Variants in PCDHGA3 observed in about 807,000 individuals in gnomAD.
PCDHGA3 encodes protocadherin gamma subfamily A, 3.
Under a neutral mutation model 58.5 loss-of-function variants are expected in PCDHGA3, and 40 were observed. That is an observed-to-expected ratio of 0.68 (90% CI 0.53 to 0.89). PCDHGA3 has a LOEUF of 0.89. PCDHGA3 is among the 40% of genes least tolerant of loss of function. The pLI is 0.00. For synonymous variants in PCDHGA3, 530 were observed against 525.7 expected (o/e 1.01, Z -0.11); for missense variants, 1,223 against 1,195.9 (o/e 1.02, Z -0.33).
chr5:141,413,081 C>A, intron 1 of PCDHGA3: 2 of 1,339,424 alleles, frequency 1.5e-6, no homozygotes, highest in Non-Finnish European at 2.0e-6. Context: ...GCCCAGGCTA[C>A]AGAGACACCC....
chr5:141,404,934 C>G, intron 1 of PCDHGA3: 1 of 1,613,986 alleles, frequency 6.2e-7, no homozygotes. Context: ...GTCACGCTCA[C>G]AGTAGCCATA....
rs575694126 is a variant in PCDHGA3 at position 141,399,993 on chromosome 5, G to A, written c.2424+53536G>A. 3.1e-5 allele frequency: 50 copies of A among 1,612,336 alleles called. 1 individual carries two copies. Among genetic ancestry groups the A allele is most frequent in the Middle Eastern group, 1.8e-4 (1 of 5,462 alleles). On this transcript the variant is annotated intron_variant, in intron 1 of 3. Transcript: ENST00000253812. ...GCCTGGGGCTGCGCACAGGAGAGGT[G>A]CGCACAGCGCGTGCCTTGGGCGACA...
chr5:141,397,379 T>C (rs1470838357), intron 1 of PCDHGA3, among the ~76,000 whole-genome samples: 1 of 152,206 alleles, frequency 6.6e-6, no homozygotes, highest in East Asian at 1.9e-4. Context: ...TGGGGATTGG[T>C]ATAAAATTGC....
At chr5:141,363,502 A>G (rs368681590) in intron 1 of PCDHGA3, among the ~76,000 whole-genome samples, 2 of 152,230 alleles carry the variant, frequency 1.3e-5, no homozygotes, top group East Asian at 3.9e-4. Flanking sequence ...ATAAAACCCC[A>G]TCCTCCACAG....
chr5:141,499,029 A>AAGGAAGGAAGGAAGGAAGG (rs1562187768), intron 2 of PCDHGA3, among the ~76,000 whole-genome samples: 3 of 140,076 alleles, frequency 2.1e-5, no homozygotes, highest in African/African-American at 8.3e-5. Flanking sequence ...AGGAAGGAAG[A>AAGGAAGGAAGGAAGGAAGG]AAAGAAAGAA....
At chr5:141,454,824 T>C (rs1231148585) in intron 1 of PCDHGA3, among the ~76,000 whole-genome samples, 1 of 127,218 alleles carries the variant, frequency 7.9e-6, no homozygotes, top group African/African-American at 3.3e-5. Flanking sequence ...TTTTTTTTTT[T>C]TGAGACAGAG....
At chr5:141,415,259 T>A (rs778452630) in intron 1 of PCDHGA3, 5 of 1,614,226 alleles carry the variant, frequency 3.1e-6, no homozygotes, top group Admixed American at 1.7e-5. Flanking sequence ...GACCTCACTC[T>A]GTACCTGGTG....
intron 1 of PCDHGA3, chr5:141,374,616 T>G: frequency 6.2e-7 from 1 of 1,613,518 alleles, no homozygotes; most frequent in South Asian, 1.1e-5. Flanking sequence ...AATAGTCACT[T>G]CTCAGTGGAC....
chr5:141,411,806 C>G (rs1276116820), intron 1 of PCDHGA3: 1 of 151,860 alleles, frequency 6.6e-6, no homozygotes, highest in Non-Finnish European at 1.5e-5. Flanking sequence ...CGCTTGAGCC[C>G]AGGAAGTCTA....
intron 1 of PCDHGA3, chr5:141,351,708 T>G: frequency 6.2e-7 from 1 of 1,613,718 alleles, no homozygotes; most frequent in Non-Finnish European, 8.5e-7. Flanking sequence ...AACGGCAGAG[T>G]CTCCTACTCT....
At position 141,485,348 on chromosome 5, in the gene PCDHGA3, C is replaced by A; in HGVS notation, c.2425-9459C>A. ...AGATTTCCTGCTGGATACGGACAGT[C>A]TGTCAGCTCGCAGGCTGCAGGTCGC... On this transcript the variant is annotated intron_variant, in intron 1 of 3. Coordinates refer to ENST00000253812, the MANE Select transcript of PCDHGA3 (RefSeq NM_018916.4). This position sits in a 1 kb window ranked among gnomAD's most constrained non-coding sequence, Gnocchi z 5.7. 6.2e-7 allele frequency: 1 copy of A among 1,614,146 alleles called. No individual in the cohort carries two copies. Among genetic ancestry groups the A allele is most frequent in the Non-Finnish European group, 8.5e-7 (1 of 1,180,008 alleles).
At chr5:141,469,833 TTA>T (rs1343669772) in intron 1 of PCDHGA3, among the ~76,000 whole-genome samples, 2 of 152,054 alleles carry the variant, frequency 1.3e-5, no homozygotes, top group Non-Finnish European at 2.9e-5. Flanking sequence ...CACATAAAAC[TTA>T]TTCTTAAGAT....
chr5:141,422,275 A>G (rs367711513), intron 1 of PCDHGA3: 6 of 1,560,374 alleles, frequency 3.8e-6, no homozygotes, highest in East Asian at 2.2e-5. Flanking sequence ...AGAAATAACT[A>G]TCACCTCTTC....
chr5:141,494,639 C>T, intron 1 of PCDHGA3, 168 bp from the exon 2 acceptor site: 1 of 901,070 alleles, frequency 1.1e-6, no homozygotes, highest in Non-Finnish European at 1.3e-6. Flanking sequence ...ACCTCTGAGA[C>T]CTGAGGTGTA....
In PCDHGA3 at chr5:141,476,238, G is replaced by A; in HGVS notation, c.2425-18569G>A. The A allele has an allele frequency of 1.2e-6, 2 of 1,614,098 alleles. No individual in the cohort carries two copies. ...ATTCACTATGAGATCCCGGAGGAAAGAGAGAAGGGTTTCGCTGTGGGCAAC... is the reference window on the plus strand; with the variant it reads ...ATTCACTATGAGATCCCGGAGGAAAAAGAGAAGGGTTTCGCTGTGGGCAAC... On this transcript the variant is annotated intron_variant, in intron 1 of 3. Coordinates refer to ENST00000253812, the MANE Select transcript of PCDHGA3 (RefSeq NM_018916.4). The surrounding 1 kb of genome is among the most constrained non-coding windows in gnomAD (Gnocchi z 7.6).
intron 1 of PCDHGA3, chr5:141,379,119 T>G (rs1179184154): frequency 6.6e-6 from 1 of 152,346 alleles, no homozygotes; most frequent in Admixed American, 6.5e-5. Flanking sequence ...AGAAGATACC[T>G]TGAAAATAAA....
At chr5:141,399,808 C>A in intron 1 of PCDHGA3, 1 of 1,613,208 alleles carries the variant, frequency 6.2e-7, no homozygotes, top group Non-Finnish European at 8.5e-7. Flanking sequence ...GGTGCTGTAC[C>A]CCGCGCTGGG....
Position 141,344,371 on chromosome 5 carries a change from A to G in PCDHGA3, c.338A>G (p.Lys113Arg). The G allele has an allele frequency of 6.2e-7, 1 of 1,613,406 alleles. No homozygotes were observed. ...LVKINILVED[K>R]LKIFEVEIEI... ...AAAATTAACATTCTGGTTGAGGATA[A>G]ATTGAAAATTTTTGAAGTAGAAATA... The change falls in exon 1 of 4, where the codon AAA becomes AGA. Residue 113 changes from lysine (K) to arginine (R), a missense_variant. This residue lies in a region of PCDHGA3 where 791 missense variants were observed against 708.5 expected (regional missense o/e 1.12). Transcript: ENST00000253812.
chr5:141,447,181 G>T (rs442221), intron 1 of PCDHGA3, among the ~76,000 whole-genome samples: 1 of 152,338 alleles, frequency 6.6e-6, no homozygotes, highest in Admixed American at 6.5e-5. Context: ...CTCTTGTCGC[G>T]CAGGCTGGAG....
Sources: gnomAD v4.1 joint callset for allele counts (sites outside exome capture counted in the v4.1 genomes callset) on GRCh38, gnomAD v4.1.1 for gene constraint, gnomAD v4.1.1 regional missense constraint, Gnocchi (gnomAD v3.1) non-coding constraint, MANE v1.5 for transcripts, NCBI Gene and HGNC (gene_info 2026-07-23, HGNC 2026-07-21) for gene names.